SPATA16: variants seen among roughly 807,000 people sequenced by gnomAD.
The protein encoded by SPATA16 is spermatogenesis associated 16.
In SPATA16, 36 loss-of-function variants were observed where a neutral mutation model predicts 63.3. That is an observed-to-expected ratio of 0.57 (90% CI 0.44 to 0.75). The LOEUF (loss-of-function observed/expected upper bound fraction) is 0.75, where lower values mean the gene tolerates loss of function less well. Ranked by LOEUF, SPATA16 falls within the 30% of genes least tolerant of loss-of-function variation. The pLI is 0.00. For missense variants in SPATA16, 646 were observed against 679.3 expected (o/e 0.95, Z 0.54); for synonymous variants, 203 against 216.7 (o/e 0.94, Z 0.56).
rs1375438765 is a variant in SPATA16 at position 172,916,329 on chromosome 3, C to G, written c.1491G>C (p.Gln497His). Residue 497 changes from glutamine to histidine, a missense_variant, in exon 9 of 11, where the codon CAG becomes CAC. Coordinates refer to ENST00000351008, the MANE Select transcript of SPATA16 (RefSeq NM_031955.6). ...TIPYLQDISQ[Q>H]EAELLQSLMA... Reference sequence around the variant, plus strand: ...GAAAAATACTTACCAATTCTGCCTCCTGTTGACTGATGTCCTGTAGGTAGG... The same window carrying G: ...GAAAAATACTTACCAATTCTGCCTCGTGTTGACTGATGTCCTGTAGGTAGG... The G allele has an allele frequency of 8.1e-6, 13 of 1,613,298 alleles. No homozygotes were observed. In the Admixed American group the frequency reaches 1.3e-4, roughly 17 times the overall value.
intron 3 of SPATA16, among the ~76,000 whole-genome samples, chr3:173,026,541 A>G (rs545631998): frequency 5.3e-4 from 81 of 151,912 alleles, no homozygotes; most frequent in Non-Finnish European, 1.3e-4. Flanking sequence ...TTTCTTTCAT[A>G]TTTTCTTCAA....
chr3:173,093,485 C>T (rs1445820251), intron 2 of SPATA16, among the ~76,000 whole-genome samples: 1 of 152,028 alleles, frequency 6.6e-6, no homozygotes, highest in Non-Finnish European at 1.5e-5. Context: ...ATTATATCCC[C>T]AGAGTTTAAC....
chr3:173,086,106 A>C (rs1737044687), intron 2 of SPATA16, among the ~76,000 whole-genome samples: 1 of 152,164 alleles, frequency 6.6e-6, no homozygotes, highest in Non-Finnish European at 1.5e-5. Flanking sequence ...TTTCAGAAAA[A>C]ATGGTACCAG....
intron 10 of SPATA16, among the ~76,000 whole-genome samples, chr3:172,893,314 G>A (rs901550036): frequency 6.6e-6 from 1 of 152,096 alleles, no homozygotes; most frequent in Non-Finnish European, 1.5e-5. Flanking sequence ...GGAGACAGAT[G>A]CACACACAGG....
At chr3:173,060,304 A>G (rs1736348324) in intron 2 of SPATA16, among the ~76,000 whole-genome samples, 1 of 152,176 alleles carries the variant, frequency 6.6e-6, no homozygotes. Flanking sequence ...AAGGTCCAAC[A>G]CTGAATCCTA....
chr3:173,005,650 AG>A (rs1734929104), intron 4 of SPATA16, among the ~76,000 whole-genome samples: 1 of 152,220 alleles, frequency 6.6e-6, no homozygotes, highest in African/African-American at 2.4e-5. Flanking sequence ...AAAAGAAAAA[AG>A]GGGCAAAAAT....
chr3:173,005,652 G>A (rs996829783), intron 4 of SPATA16, among the ~76,000 whole-genome samples: 1 of 152,108 alleles, frequency 6.6e-6, no homozygotes, highest in African/African-American at 2.4e-5. Flanking sequence ...AAGAAAAAAG[G>A]GGCAAAAATA....
At chr3:172,974,969 G>C (rs1462504169) in intron 5 of SPATA16, among the ~76,000 whole-genome samples, 2 of 151,834 alleles carry the variant, frequency 1.3e-5, no homozygotes, top group African/African-American at 2.4e-5. Context: ...AATACAAAAA[G>C]AACTATTTTT....
intron 4 of SPATA16, among the ~76,000 whole-genome samples, chr3:173,001,764 C>T (rs1219797543): frequency 6.6e-6 from 1 of 152,098 alleles, no homozygotes; most frequent in East Asian, 1.9e-4. Context: ...GCTCAGTGAC[C>T]TCACTTCTCT....
intron 4 of SPATA16, among the ~76,000 whole-genome samples, chr3:173,009,020 A>C (rs982693872): frequency 6.6e-6 from 1 of 152,218 alleles, no homozygotes; most frequent in Admixed American, 6.5e-5. Context: ...AATTGGTCAC[A>C]TGGTAAATTG....
At chr3:173,087,566 T>C (rs1370091431) in intron 2 of SPATA16, among the ~76,000 whole-genome samples, 3 of 152,194 alleles carry the variant, frequency 2.0e-5, no homozygotes, top group Non-Finnish European at 4.4e-5. Context: ...CCGGTCATCA[T>C]GATGCTAGCT....
intron 10 of SPATA16, among the ~76,000 whole-genome samples, chr3:172,892,279 C>T (rs367917354): frequency 2.0e-5 from 3 of 152,154 alleles, no homozygotes; most frequent in East Asian, 1.9e-4. Context: ...ATTCTGCTCT[C>T]GGGTTGGCTT....
chr3:172,949,022 T>G (rs1475542885), intron 6 of SPATA16, among the ~76,000 whole-genome samples: 1 of 152,160 alleles, frequency 6.6e-6, no homozygotes, highest in Non-Finnish European at 1.5e-5. Flanking sequence ...ATAATTACTC[T>G]GAACTTTAGG....
chr3:172,918,812 A>G (rs966005540), intron 8 of SPATA16, among the ~76,000 whole-genome samples: 83 of 152,144 alleles, frequency 5.5e-4, no homozygotes, highest in African/African-American at 2.0e-3. Flanking sequence ...CACAGGTACA[A>G]TGAGGGCTAG....
intron 3 of SPATA16, among the ~76,000 whole-genome samples, chr3:173,030,594 G>A (rs928886171): frequency 2.0e-5 from 3 of 152,108 alleles, no homozygotes; most frequent in Non-Finnish European, 2.9e-5. Context: ...TGGCAAGGAT[G>A]TGGAGAAATT....
At chr3:172,927,328 G>A (rs1323506714) in intron 6 of SPATA16, among the ~76,000 whole-genome samples, 1 of 152,174 alleles carries the variant, frequency 6.6e-6, no homozygotes, top group Non-Finnish European at 1.5e-5. Context: ...GTTTGGTTAA[G>A]TAAACAGTGT....
rs545416126 is a variant in SPATA16, at chr3:173,042,089, G to A, written c.758+6860C>T. Reference sequence around the variant, plus strand: ...CACGGGTATCTGTAATGCTTTAAGCGAATATCACCTTTGATCATAATTATC... The same window carrying A: ...CACGGGTATCTGTAATGCTTTAAGCAAATATCACCTTTGATCATAATTATC... On this transcript the variant is annotated intron_variant, in intron 3 of 10. Transcript: ENST00000351008. Among the ~76,000 whole-genome samples the A allele has an allele frequency of 2.3e-3, 350 of 152,136 alleles. 1 individual carries two copies. The highest frequency in any genetic ancestry group is 8.1e-3 in the African/African-American group (335 of 41,494).
At chr3:173,102,959 A>G (rs1737531532) in intron 2 of SPATA16, among the ~76,000 whole-genome samples, 1 of 152,214 alleles carries the variant, frequency 6.6e-6, no homozygotes, top group African/African-American at 2.4e-5. Flanking sequence ...AAGTATCTCA[A>G]ATAAAAGGGA....
At position 172,961,069 on chromosome 3, in the gene SPATA16, T is replaced by TCTCCCTTCCTTCCTTC. The variant is rs1733765056; in HGVS notation, c.934-4246_934-4245insGAAGGAAGGAAGGGAG. ...CTTTCTTCTTTCTTTCTTTCTTCTT[T>TCTCCCTTCCTTCCTTC]CTTCCTTCCTTCCTTCCTTCCTTCC... On this transcript the variant is annotated intron_variant, in intron 5 of 10. Coordinates refer to ENST00000351008, the MANE Select transcript of SPATA16 (RefSeq NM_031955.6). 1.4e-4 allele frequency among the ~76,000 whole-genome samples: 10 copies of TCTCCCTTCCTTCCTTC among 72,384 alleles called. 1 individual carries two copies. In the East Asian group the frequency reaches 3.8e-3, roughly 27 times the overall value. 47.5% of individuals were successfully genotyped at this position (72,384 alleles called of 152,430 possible).
Sources: gnomAD v4.1 joint callset for allele counts (sites outside exome capture counted in the v4.1 genomes callset) on GRCh38, gnomAD v4.1.1 for gene constraint, MANE v1.5 for transcripts, NCBI Gene and HGNC (gene_info 2026-07-23, HGNC 2026-07-21) for gene names.